OSBPL8: variants seen among roughly 807,000 people sequenced by gnomAD.
OSBPL8 encodes oxysterol binding protein like 8.
A neutral mutation model predicts 125.5 loss-of-function variants in OSBPL8; 59 were observed. The observed-to-expected ratio is 0.47, with a 90% CI of 0.38 to 0.58. OSBPL8 has a LOEUF of 0.58. Among genes scored for constraint, OSBPL8 ranks in the 20% least tolerant of loss-of-function variants. The probability of loss-of-function intolerance (pLI) is 0.00; values close to 1 mark genes in which losing one functional copy is unlikely to be tolerated. For missense variants in OSBPL8, 758 were observed against 1,047.8 expected, an observed-to-expected ratio of 0.72 and a Z score of 3.82; for synonymous variants, 330 against 338.9, an observed-to-expected ratio of 0.97 and a Z score of 0.29.
chr12:76,522,995 G>A (rs957529111), intron 1 of OSBPL8, among the ~76,000 whole-genome samples: 4 of 152,004 alleles, frequency 2.6e-5, no homozygotes, highest in Admixed American at 6.6e-5. Flanking sequence ...ATACCACCAC[G>A]CCTGGCTAAT....
intron 8 of OSBPL8, among the ~76,000 whole-genome samples, chr12:76,397,015 A>G (rs1458972268): frequency 6.6e-6 from 1 of 151,578 alleles, no homozygotes; most frequent in East Asian, 2.0e-4. Context: ...GGGTTTCACT[A>G]TGTTGCCCAG....
rs57582036 is a variant in OSBPL8, at chr12:76,480,167, C to CAAAAA, written c.42+7338_42+7342dup. On this transcript the variant is annotated intron_variant, in intron 2 of 23. Transcript: ENST00000261183. ...GGGCAACAAGAGTGAAACTCCATCT[C>CAAAAA]AAAAAAAAAAAAAAAAAAAAAAAAG... is the stretch of plus-strand genomic sequence containing the variant. 4.3e-3 allele frequency among the ~76,000 whole-genome samples: 244 copies of CAAAAA among 56,230 alleles called. 3 individuals carry two copies. Among genetic ancestry groups the CAAAAA allele is most frequent in the African/African-American group, 6.9e-3 (94 of 13,628 alleles). 36.9% of individuals were successfully genotyped at this position (56,230 alleles called of 152,430 possible).
In OSBPL8 at chr12:76,369,658, T is replaced by C; in HGVS notation, c.2219A>G (p.Glu740Gly). Residue 740 changes from glutamate to glycine, a missense_variant, in exon 20 of 24, where the codon GAA becomes GGA. By Grantham distance (98) the Glu-to-Gly change is moderately conservative. Around this residue, in one of 3 missense-constraint regions of OSBPL8, gnomAD observed 572 missense variants for 762.0 expected, o/e 0.75. Transcript: ENST00000261183. Reference sequence around the variant, plus strand: ...TTACTCTGCAAACTTGTAATGCCATTCTCCTGTGAGTGGATCAAGTTCAAA... The same window carrying C: ...TTACTCTGCAAACTTGTAATGCCATCCTCCTGTGAGTGGATCAAGTTCAAA... ...KLFELDPLTG[E>G]WHYKFADTRP... 6.2e-7 allele frequency: 1 copy of C among 1,613,470 alleles called. No homozygotes were observed. Among genetic ancestry groups the C allele is most frequent in the Non-Finnish European group, 8.5e-7 (1 of 1,179,594 alleles).
At chr12:76,364,793 C>T (rs554943907) in intron 21 of OSBPL8, among the ~76,000 whole-genome samples, 1 of 152,206 alleles carries the variant, frequency 6.6e-6, no homozygotes, top group Admixed American at 6.5e-5. Flanking sequence ...GTTTTGAAAT[C>T]GAAAAGTGAG....
intron 4 of OSBPL8, among the ~76,000 whole-genome samples, chr12:76,447,745 C>T (rs1374336322): frequency 6.6e-6 from 1 of 152,176 alleles, no homozygotes; most frequent in Non-Finnish European, 1.5e-5. Flanking sequence ...TGGGGTTTCA[C>T]CATGTTGGCC....
chr12:76,384,933 C>A (rs756487986), intron 14 of OSBPL8, among the ~76,000 whole-genome samples: 2 of 152,160 alleles, frequency 1.3e-5, no homozygotes, highest in African/African-American at 2.4e-5. Flanking sequence ...ATAATAAATA[C>A]TGCTTTAACT....
chr12:76,536,529 A>G (rs1362865118), intron 1 of OSBPL8, among the ~76,000 whole-genome samples: 1 of 152,220 alleles, frequency 6.6e-6, no homozygotes, highest in Non-Finnish European at 1.5e-5. Context: ...AATTACAGCA[A>G]CACAATTCAT....
chr12:76,482,826 T>C (rs553002002), intron 2 of OSBPL8, among the ~76,000 whole-genome samples: 28 of 152,370 alleles, frequency 1.8e-4, no homozygotes, highest in Admixed American at 1.6e-3. Flanking sequence ...TATTCTCATG[T>C]TGTGTGGCAT....
chr12:76,508,294 G>A (rs1880624712), intron 1 of OSBPL8, among the ~76,000 whole-genome samples: 1 of 152,080 alleles, frequency 6.6e-6, no homozygotes, highest in South Asian at 2.1e-4. Context: ...AACTGGTTTA[G>A]CTAGTCTGAA....
chr12:76,369,898 TC>T, intron 19 of OSBPL8, 76 bp from the exon 20 acceptor site: 2 of 1,270,038 alleles, frequency 1.6e-6, no homozygotes, highest in Non-Finnish European at 2.1e-6. Flanking sequence ...AGGCCTCAAA[TC>T]CCTTGTAGAG....
At chr12:76,513,745 T>G (rs564567992) in intron 1 of OSBPL8, among the ~76,000 whole-genome samples, 77 of 64,354 alleles carry the variant, frequency 1.2e-3, no homozygotes, top group African/African-American at 3.2e-3. Flanking sequence ...AACCCCTGGG[T>G]TTTTTTTTTT....
At chr12:76,529,230 G>GT (rs1428817132) in intron 1 of OSBPL8, among the ~76,000 whole-genome samples, 2 of 152,044 alleles carry the variant, frequency 1.3e-5, no homozygotes, top group African/African-American at 4.8e-5. Flanking sequence ...GGATATTAAG[G>GT]TGCACACTAT....
chr12:76,538,266 T>A (rs948790062), intron 1 of OSBPL8, among the ~76,000 whole-genome samples: 13 of 152,342 alleles, frequency 8.5e-5, no homozygotes, highest in Non-Finnish European at 1.9e-4. Flanking sequence ...GAATCATGAA[T>A]AATTTTTCTT....
intron 15 of OSBPL8, among the ~76,000 whole-genome samples, chr12:76,380,458 C>A (rs1952993940): frequency 1.5e-5 from 2 of 137,854 alleles, no homozygotes; most frequent in South Asian, 4.7e-4. Context: ...CCCAGCTACT[C>A]AGGAGGCTGA....
intron 4 of OSBPL8, among the ~76,000 whole-genome samples, chr12:76,423,709 A>T (rs1869793830): frequency 6.6e-6 from 1 of 152,160 alleles, no homozygotes; most frequent in African/African-American, 2.4e-5. Flanking sequence ...ACCTTAATTC[A>T]GATTTAAAAG....
intron 2 of OSBPL8, among the ~76,000 whole-genome samples, chr12:76,462,651 T>C (rs968245068): frequency 1.3e-5 from 2 of 152,020 alleles, no homozygotes; most frequent in Non-Finnish European, 2.9e-5. Flanking sequence ...GTATAATATA[T>C]AGCATAAAAA....
chr12:76,380,354 A>T (rs1565843184), intron 15 of OSBPL8, among the ~76,000 whole-genome samples: 1 of 151,838 alleles, frequency 6.6e-6, no homozygotes, highest in Non-Finnish European at 1.5e-5. Flanking sequence ...TCTTTTATTA[A>T]ATTTATTTTT....
At chr12:76,422,222 CTTTAAT>C (rs1213048866) in intron 4 of OSBPL8, among the ~76,000 whole-genome samples, 2 of 152,022 alleles carry the variant, frequency 1.3e-5, no homozygotes, top group Non-Finnish European at 2.9e-5. Flanking sequence ...TCTAGAAGGG[CTTTAAT>C]TTTATCAAAG....
In OSBPL8 at chr12:76,353,542, G is replaced by A. The variant is rs1316592701; in HGVS notation, c.*2347C>T. On this transcript the variant is annotated 3_prime_UTR_variant, in exon 24 of 24. Coordinates refer to ENST00000261183, the MANE Select transcript of OSBPL8 (RefSeq NM_020841.5). The stretch of plus-strand genomic sequence containing the variant: ...AACCGTTTACGGTCCATGTGTGAAG[G>A]AAGATTAATTTCAGGTAAATAACAT... 6.6e-6 allele frequency: 1 copy of A among 152,138 alleles called. No individual in the cohort carries two copies. The highest frequency in any genetic ancestry group is 2.4e-5 in the African/African-American group (1 of 41,410). The allele number at this position is 152,138 out of a possible 1,614,324, so 9.4% of individuals were successfully genotyped here.
Sources: gnomAD v4.1 joint callset for allele counts (sites outside exome capture counted in the v4.1 genomes callset) on GRCh38, gnomAD v4.1.1 for gene constraint, gnomAD v4.1.1 regional missense constraint, MANE v1.5 for transcripts, NCBI Gene and HGNC (gene_info 2026-07-23, HGNC 2026-07-21) for gene names.